The following MEIS2 variants were observed in gnomAD, a reference collection of about 807,000 sequenced individuals.
MEIS2 encodes Meis homeobox 2, also known as homeobox protein Meis2.
A neutral mutation model predicts 58.6 loss-of-function variants in MEIS2; 9 were observed. The observed-to-expected ratio is 0.15, with a 90% CI of 0.09 to 0.27. MEIS2 has a LOEUF of 0.27. MEIS2 is among the 10% of genes least tolerant of loss of function. MEIS2 has a pLI of 1.00. For missense variants in MEIS2, 427 were observed against 635.0 expected (o/e 0.67, Z 3.52); for synonymous variants, 221 against 228.4 (o/e 0.97, Z 0.29).
At chr15:36,923,545 A>G (rs1315322900) in intron 9 of MEIS2, among the ~76,000 whole-genome samples, 1 of 152,182 alleles carries the variant, frequency 6.6e-6, no homozygotes, top group Non-Finnish European at 1.5e-5. Flanking sequence ...AACTGAATGA[A>G]CACCTCCCAA....
intron 8 of MEIS2, among the ~76,000 whole-genome samples, chr15:36,984,903 T>G (rs1232364542): frequency 6.6e-6 from 1 of 152,182 alleles, no homozygotes; most frequent in Non-Finnish European, 1.5e-5. Flanking sequence ...TCTCTTATAA[T>G]CTTTTGTATT....
At chr15:37,011,607 GTTTTTTTTTTTTT>G (rs574386772) in intron 8 of MEIS2, among the ~76,000 whole-genome samples, 6 of 66,706 alleles carry the variant, frequency 9.0e-5, no homozygotes, top group South Asian at 2.0e-3. Flanking sequence ...TCTATCAGTG[GTTTTTTTTTTTTT>G]TTTTTTTTTT....
intron 8 of MEIS2, among the ~76,000 whole-genome samples, chr15:36,964,552 A>T (rs1205891635): frequency 6.6e-6 from 1 of 152,206 alleles, no homozygotes; most frequent in Non-Finnish European, 1.5e-5. Context: ...ATTTACATTA[A>T]TGAAAATCTG....
At chr15:36,997,480 T>A (rs2141584190) in intron 8 of MEIS2, among the ~76,000 whole-genome samples, 1 of 114,946 alleles carries the variant, frequency 8.7e-6, no homozygotes, top group African/African-American at 2.9e-5. Flanking sequence ...TTGATTTCTC[T>A]CTCTCTCTCT....
At chr15:37,025,965 A>G (rs2061687160) in intron 8 of MEIS2, among the ~76,000 whole-genome samples, 1 of 152,158 alleles carries the variant, frequency 6.6e-6, no homozygotes, top group Non-Finnish European at 1.5e-5. Flanking sequence ...TTCTAAATTT[A>G]TGGCTTCACA....
chr15:37,094,385 C>T lies in MEIS2; in HGVS notation c.489+142G>A, dbSNP rs979927278. 36 of 746,322 alleles carry T rather than the reference C, an allele frequency of 4.8e-5. 1 individual carries two copies. The Admixed American group carries it at 9.4e-4, about 20-fold the overall frequency. The allele number at this position is 746,322 out of a possible 1,614,324, so 46.2% of individuals were successfully genotyped here. A position where few individuals can be genotyped will look rare whatever the true frequency, so the allele number is the denominator to read the frequency against. The stretch of plus-strand genomic sequence containing the variant: ...CCCTCTGAGCCCCTGTGTTGAGAAG[C>T]GAGTTGAAGGATGGACATGGTTACA... On this transcript the variant is annotated intron_variant, in intron 5 of 11. Transcript: ENST00000561208.
chr15:36,974,126 CT>C (rs1300325866), intron 8 of MEIS2, among the ~76,000 whole-genome samples: 2 of 152,130 alleles, frequency 1.3e-5, no homozygotes, highest in Non-Finnish European at 2.9e-5. Context: ...AAATTCTTGT[CT>C]GGTTATCCTG....
At chr15:37,086,205 T>G (rs1186234726) in intron 6 of MEIS2, among the ~76,000 whole-genome samples, 1 of 152,204 alleles carries the variant, frequency 6.6e-6, no homozygotes, top group Non-Finnish European at 1.5e-5. Flanking sequence ...AAGGCAAATG[T>G]CATCCAATAG....
At chr15:37,086,069 T>C (rs1255766053) in intron 6 of MEIS2, among the ~76,000 whole-genome samples, 1 of 152,250 alleles carries the variant, frequency 6.6e-6, no homozygotes, top group Non-Finnish European at 1.5e-5. Context: ...GCTAAACTTT[T>C]CATTGTACAC....
chr15:37,035,179 T>C (rs1000780957), intron 8 of MEIS2, among the ~76,000 whole-genome samples: 1 of 152,214 alleles, frequency 6.6e-6, no homozygotes, highest in African/African-American at 2.4e-5. Context: ...CGTTCTTAGT[T>C]GCTACTCTAA....
chr15:36,952,003 A>C (rs564645545), intron 8 of MEIS2, among the ~76,000 whole-genome samples: 2 of 152,188 alleles, frequency 1.3e-5, no homozygotes, highest in Admixed American at 1.3e-4. Flanking sequence ...GGTCACTCAC[A>C]CTCATTCCTG....
intron 8 of MEIS2, among the ~76,000 whole-genome samples, chr15:37,023,762 T>A (rs1354893721): frequency 6.6e-6 from 1 of 152,126 alleles, no homozygotes; most frequent in African/African-American, 2.4e-5. Context: ...TCACTCTCCA[T>A]CACCCTCGCC....
intron 8 of MEIS2, among the ~76,000 whole-genome samples, chr15:36,971,554 A>AAAAAAAAAAAAAAAAAAAGG (rs1254069377): frequency 6.9e-6 from 1 of 144,140 alleles, no homozygotes; most frequent in African/African-American, 2.7e-5. Flanking sequence ...AAAAAAAAAA[A>AAAAAAAAAAAAAAAAAAAGG]AAAAAAAAAA....
intron 8 of MEIS2, 150 bp downstream of exon 8, chr15:37,036,664 A>G (rs1357270971): frequency 2.0e-5 from 16 of 788,306 alleles, no homozygotes; most frequent in Admixed American, 1.1e-4. Flanking sequence ...ATAGTTGATG[A>G]AAAAAAAAAC....
chr15:37,047,515 G>T (rs953098552), intron 7 of MEIS2, among the ~76,000 whole-genome samples: 1 of 152,154 alleles, frequency 6.6e-6, no homozygotes, highest in Non-Finnish European at 1.5e-5. Context: ...CCCCTCTCAG[G>T]AGGTTAATCT....
At chr15:36,966,494 T>C (rs1382210962) in intron 8 of MEIS2, among the ~76,000 whole-genome samples, 3 of 152,142 alleles carry the variant, frequency 2.0e-5, no homozygotes, top group African/African-American at 4.8e-5. Context: ...GCTTGGCAGA[T>C]TACTTACTGT....
chr15:36,999,601 A>C (rs2141592256), intron 8 of MEIS2, among the ~76,000 whole-genome samples: 1 of 152,300 alleles, frequency 6.6e-6, no homozygotes, highest in South Asian at 2.1e-4. Context: ...CACAGGGCCA[A>C]GTTTTCATGT....
intron 7 of MEIS2, among the ~76,000 whole-genome samples, chr15:37,037,521 A>C (rs922285621): frequency 6.6e-6 from 1 of 151,328 alleles, no homozygotes; most frequent in African/African-American, 2.4e-5. Flanking sequence ...AGCTCTCTGC[A>C]CCACTGATCA....
chr15:37,037,780 T>C (rs1486848185), intron 7 of MEIS2, among the ~76,000 whole-genome samples: 1 of 152,266 alleles, frequency 6.6e-6, no homozygotes, highest in Non-Finnish European at 1.5e-5. Flanking sequence ...ACCCCTACTT[T>C]CTTAAAATTC....
Sources: allele counts gnomAD v4.1 joint callset (sites outside exome capture counted in the v4.1 genomes callset), GRCh38; gene constraint gnomAD v4.1.1; transcripts MANE v1.5; gene names NCBI Gene and HGNC (gene_info 2026-07-23, HGNC 2026-07-21).